The following NCAM2 variants were observed in gnomAD, a reference collection of about 807,000 sequenced individuals.
The protein encoded by NCAM2 is N-CAM-2.
In NCAM2, 30 loss-of-function variants were observed where a neutral mutation model predicts 98.1. The ratio of observed to expected loss-of-function variants is 0.31; its 90% CI spans 0.23 to 0.41. The LOEUF (loss-of-function observed/expected upper bound fraction) is 0.41. Among genes scored for constraint, NCAM2 ranks in the 10% least tolerant of loss-of-function variants. NCAM2 has a pLI of 1.00. For missense variants in NCAM2, 867 were observed against 1,005.8 expected (o/e 0.86, Z 1.87); for synonymous variants, 368 against 342.4 (o/e 1.07, Z -0.83).
chr21:21,497,716 C>G (rs957883263), intron 15 of NCAM2, among the ~76,000 whole-genome samples: 4 of 151,996 alleles, frequency 2.6e-5, no homozygotes, highest in African/African-American at 7.3e-5. Flanking sequence ...ACATCTACCC[C>G]CTAAAGAATA....
intron 1 of NCAM2, chr21:21,239,560 A>T (rs2070984427): frequency 6.6e-6 from 1 of 152,192 alleles, no homozygotes; most frequent in African/African-American, 2.4e-5. Flanking sequence ...GGTATTATAT[A>T]CATCACCTAA....
chr21:21,104,640 T>G (rs973555818), intron 1 of NCAM2, among the ~76,000 whole-genome samples: 6 of 152,192 alleles, frequency 3.9e-5, no homozygotes, highest in Admixed American at 6.6e-5. Context: ...AAGACAAGAA[T>G]GAGCTTGGAA....
Position 21,338,374 on chromosome 21 carries a change from A to C in NCAM2, c.899-15A>C, listed in dbSNP as rs554839697. ...TCCTCCAATACCGGTTGAGTAATAT[A>C]TATATTCTTTACAGTACAGCCTCAC... On this transcript the variant is annotated splice_polypyrimidine_tract_variant and intron_variant, in intron 7 of 17. Transcript: ENST00000400546. The C allele has an allele frequency of 6.2e-7, 1 of 1,602,968 alleles. No homozygotes were observed. Among genetic ancestry groups the C allele is most frequent in the East Asian group, 2.2e-5 (1 of 44,714 alleles).
At chr21:21,184,553 A>G (rs1056366368) in intron 1 of NCAM2, among the ~76,000 whole-genome samples, 4 of 152,126 alleles carry the variant, frequency 2.6e-5, no homozygotes, top group Admixed American at 2.0e-4. Context: ...GCATGAATAC[A>G]TATTGTTAAG....
At chr21:21,186,246 A>G (rs1449435546) in intron 1 of NCAM2, among the ~76,000 whole-genome samples, 1 of 152,104 alleles carries the variant, frequency 6.6e-6, no homozygotes, top group African/African-American at 2.4e-5. Context: ...GCTCAAATTT[A>G]TGTCTTCTTT....
chr21:21,149,666 G>A (rs898376017), intron 1 of NCAM2, among the ~76,000 whole-genome samples: 22 of 151,852 alleles, frequency 1.4e-4, no homozygotes, highest in Admixed American at 2.6e-4. Flanking sequence ...CACGTGTGGT[G>A]TTTGGTTTTG....
At chr21:21,363,957 C>CA (rs1347902721) in intron 8 of NCAM2, among the ~76,000 whole-genome samples, 1 of 151,994 alleles carries the variant, frequency 6.6e-6, no homozygotes, top group Admixed American at 6.6e-5. Context: ...AGGCTTCTAA[C>CA]AATCACAAAA....
At chr21:21,272,898 G>A (rs1282947759) in intron 1 of NCAM2, among the ~76,000 whole-genome samples, 1 of 122,636 alleles carries the variant, frequency 8.2e-6, no homozygotes, top group Non-Finnish European at 1.7e-5. Flanking sequence ...TAGCAAATAT[G>A]TTTCCAGACT....
At chr21:21,109,749 C>A (rs1364189498) in intron 1 of NCAM2, among the ~76,000 whole-genome samples, 1 of 152,140 alleles carries the variant, frequency 6.6e-6, no homozygotes, top group Non-Finnish European at 1.5e-5. Flanking sequence ...CAACTGTTAA[C>A]TGTTTGACGA....
At chr21:21,231,653 T>C (rs962720927) in intron 1 of NCAM2, among the ~76,000 whole-genome samples, 4 of 151,324 alleles carry the variant, frequency 2.6e-5, no homozygotes, top group African/African-American at 9.7e-5. Flanking sequence ...TGTAAAAATT[T>C]CCATCGGAGT....
intron 1 of NCAM2, among the ~76,000 whole-genome samples, chr21:21,036,792 G>A (rs146888039): frequency 6.6e-6 from 1 of 152,158 alleles, no homozygotes. Flanking sequence ...TAGTATTTCA[G>A]ATAATTTCAA....
chr21:21,322,109 T>C (rs747752008), intron 5 of NCAM2, among the ~76,000 whole-genome samples: 2 of 152,164 alleles, frequency 1.3e-5, no homozygotes, highest in African/African-American at 2.4e-5. Context: ...CTATACACCA[T>C]GGACTACTAC....
intron 12 of NCAM2, among the ~76,000 whole-genome samples, chr21:21,452,303 T>G (rs1371182233): frequency 6.7e-6 from 1 of 149,386 alleles, no homozygotes; most frequent in Non-Finnish European, 1.5e-5. Flanking sequence ...TTGGTCATCT[T>G]AATTGAAATG....
At chr21:21,070,286 T>TAA (rs1355140306) in intron 1 of NCAM2, among the ~76,000 whole-genome samples, 22 of 148,084 alleles carry the variant, frequency 1.5e-4, no homozygotes, top group Admixed American at 8.2e-4. Flanking sequence ...TATATATATA[T>TAA]AATCTAATAT....
chr21:21,199,393 C>T lies in NCAM2; in HGVS notation c.56-81185C>T, dbSNP rs75810774. On this transcript the variant is annotated intron_variant, in intron 1 of 17. Coordinates refer to ENST00000400546, the MANE Select transcript of NCAM2 (RefSeq NM_004540.5). ...AACCATATCTAAAATATTCCAAATT[C>T]GGACTTGTGTGGCTCAGACCTGGGT... Among the ~76,000 whole-genome samples, 306 of 152,218 alleles carry T rather than the reference C, an allele frequency of 2.0e-3. 5 individuals are homozygous for T. The South Asian group carries it at 0.024, about 12-fold the overall frequency.
intron 1 of NCAM2, among the ~76,000 whole-genome samples, chr21:21,189,019 A>C (rs1414038652): frequency 6.6e-6 from 1 of 152,198 alleles, no homozygotes; most frequent in Non-Finnish European, 1.5e-5. Flanking sequence ...AGGGATTCCA[A>C]GCATTCAACA....
At chr21:21,347,866 T>G (rs1305106987) in intron 8 of NCAM2, among the ~76,000 whole-genome samples, 1 of 152,044 alleles carries the variant, frequency 6.6e-6, no homozygotes, top group Admixed American at 6.6e-5. Context: ...AAAAACCATA[T>G]GATCATTTCA....
chr21:21,069,310 A>G (rs993821796), intron 1 of NCAM2, among the ~76,000 whole-genome samples: 3 of 152,210 alleles, frequency 2.0e-5, no homozygotes, highest in Admixed American at 6.5e-5. Flanking sequence ...GAGAATGTAA[A>G]TTATATATGA....
At chr21:21,347,619 T>C (rs188479449) in intron 8 of NCAM2, among the ~76,000 whole-genome samples, 243 of 152,016 alleles carry the variant, frequency 1.6e-3, no homozygotes, top group Admixed American at 3.7e-3. Context: ...ATTCAAAAAA[T>C]AGAGGAGAAA....
Sources: allele counts gnomAD v4.1 joint callset (sites outside exome capture counted in the v4.1 genomes callset), GRCh38; gene constraint gnomAD v4.1.1; transcripts MANE v1.5; gene names NCBI Gene and HGNC (gene_info 2026-07-23, HGNC 2026-07-21).